GPC5: variants seen among roughly 807,000 people sequenced by gnomAD.
The protein encoded by GPC5 is glypican 5.
Under a neutral mutation model 53.9 loss-of-function variants are expected in GPC5, and 47 were observed. That is an observed-to-expected ratio of 0.87 (90% CI 0.69 to 1.11). GPC5 has a LOEUF of 1.11. GPC5 is among the 50% of genes most tolerant of loss of function. GPC5 has a pLI of 0.00. For missense variants in GPC5, 748 were observed against 713.1 expected (o/e 1.05, Z -0.56); for synonymous variants, 286 against 263.3 (o/e 1.09, Z -0.84).
At chr13:91,554,556 G>A (rs760625275) in intron 2 of GPC5, among the ~76,000 whole-genome samples, 40 of 152,072 alleles carry the variant, frequency 2.6e-4, no homozygotes, top group Non-Finnish European at 1.6e-4. Context: ...TAGGACAAAC[G>A]AATCCACAGA....
At chr13:92,605,659 G>A (rs1884228994) in intron 7 of GPC5, among the ~76,000 whole-genome samples, 1 of 147,440 alleles carries the variant, frequency 6.8e-6, no homozygotes, top group Admixed American at 6.7e-5. Flanking sequence ...GCGCAATCTC[G>A]GCTCACTGCA....
chr13:92,408,841 T>G (rs1165836856), intron 7 of GPC5, among the ~76,000 whole-genome samples: 1 of 152,044 alleles, frequency 6.6e-6, no homozygotes, highest in African/African-American at 2.4e-5. Flanking sequence ...GGTATTCTCT[T>G]ATAAAATCCC....
intron 3 of GPC5, among the ~76,000 whole-genome samples, chr13:91,712,312 G>A (rs954896566): frequency 2.0e-5 from 3 of 151,428 alleles, no homozygotes; most frequent in African/African-American, 2.4e-5. Context: ...GTGTGTGTGT[G>A]TATATGTGTG....
intron 2 of GPC5, among the ~76,000 whole-genome samples, chr13:91,622,660 A>G (rs375930423): frequency 4.6e-5 from 7 of 152,252 alleles, no homozygotes; most frequent in African/African-American, 1.7e-4. Context: ...ATGCCATGCG[A>G]TCTTCCAGCA....
chr13:91,556,888 G>C (rs1396879581), intron 2 of GPC5, among the ~76,000 whole-genome samples: 1 of 151,642 alleles, frequency 6.6e-6, no homozygotes, highest in Non-Finnish European at 1.5e-5. Context: ...TCGGGTGATG[G>C]GTGCACCACA....
At chr13:92,586,300 G>A (rs1206952503) in intron 7 of GPC5, among the ~76,000 whole-genome samples, 2 of 152,154 alleles carry the variant, frequency 1.3e-5, no homozygotes, top group East Asian at 1.9e-4. Context: ...CATGCATAAG[G>A]CATAGCATGT....
intron 4 of GPC5, among the ~76,000 whole-genome samples, chr13:91,735,053 GTAAAA>G (rs1253081703): frequency 1.3e-5 from 2 of 150,778 alleles, no homozygotes; most frequent in Non-Finnish European, 2.9e-5. Context: ...TTCATTTAAT[GTAAAA>G]TAAAATAAAG....
chr13:92,630,562 C>T (rs1885202876), intron 7 of GPC5, among the ~76,000 whole-genome samples: 1 of 152,004 alleles, frequency 6.6e-6, no homozygotes, highest in South Asian at 2.1e-4. Flanking sequence ...GTCTTGTAAT[C>T]AAAGCAGAGA....
intron 6 of GPC5, among the ~76,000 whole-genome samples, chr13:92,014,186 T>C (rs942569960): frequency 1.3e-5 from 2 of 152,218 alleles, no homozygotes; most frequent in Non-Finnish European, 2.9e-5. Flanking sequence ...GGAGTGCTCA[T>C]TATGCATAAG....
chr13:91,668,022 T>C (rs758783400), intron 2 of GPC5, among the ~76,000 whole-genome samples: 1 of 152,232 alleles, frequency 6.6e-6, no homozygotes, highest in African/African-American at 2.4e-5. Flanking sequence ...CATGTCTTTA[T>C]TGAATGAGCT....
Position 91,523,336 on chromosome 13 carries a change from C to G in GPC5, c.325+74414C>G, listed in dbSNP as rs80226295. Among the ~76,000 whole-genome samples the G allele has an allele frequency of 3.8e-3, 575 of 152,238 alleles. 2 individuals are homozygous for G. Among genetic ancestry groups the G allele is most frequent in the African/African-American group, 0.013 (553 of 41,542 alleles). On this transcript the variant is annotated intron_variant, in intron 2 of 7. Transcript: ENST00000377067. Reference sequence around the variant, plus strand: ...GTATACAATAGCTAAGGCATGGAAACAACCCAAGTGTCTGTCAACGGATAA... The same window carrying G: ...GTATACAATAGCTAAGGCATGGAAAGAACCCAAGTGTCTGTCAACGGATAA...
chr13:92,150,662 A>T (rs927004619), intron 7 of GPC5, among the ~76,000 whole-genome samples: 5 of 152,028 alleles, frequency 3.3e-5, no homozygotes, highest in Admixed American at 3.3e-4. Flanking sequence ...TGCCTAAGTG[A>T]TTATTTTCAT....
chr13:92,129,166 G>A (rs1231977573), intron 6 of GPC5, among the ~76,000 whole-genome samples: 10 of 152,094 alleles, frequency 6.6e-5, no homozygotes, highest in African/African-American at 2.4e-4. Context: ...AGAATTTTGA[G>A]ACTAATGAGA....
chr13:92,858,826 C>CA (rs904217000), intron 7 of GPC5, among the ~76,000 whole-genome samples: 3 of 151,774 alleles, frequency 2.0e-5, no homozygotes, highest in African/African-American at 4.8e-5. Context: ...AAATTAAAAC[C>CA]AAAAAAAGAA....
At chr13:92,756,953 C>T (rs1487239679) in intron 7 of GPC5, among the ~76,000 whole-genome samples, 4 of 151,848 alleles carry the variant, frequency 2.6e-5, no homozygotes, top group Admixed American at 1.3e-4. Context: ...GCTACCAATG[C>T]CTTTCTTCAC....
chr13:92,504,378 AT>A (rs1335173390), intron 7 of GPC5, among the ~76,000 whole-genome samples: 4 of 152,090 alleles, frequency 2.6e-5, no homozygotes, highest in African/African-American at 9.6e-5. Flanking sequence ...ATATTCATAG[AT>A]TTGTCTCAAT....
At chr13:92,018,128 C>T (rs892542052) in intron 6 of GPC5, among the ~76,000 whole-genome samples, 1 of 152,036 alleles carries the variant, frequency 6.6e-6, no homozygotes, top group African/African-American at 2.4e-5. Flanking sequence ...AAATTCATTG[C>T]TAATGAAATG....
chr13:91,733,236 A>G (rs1362315817), intron 4 of GPC5, among the ~76,000 whole-genome samples: 1 of 152,088 alleles, frequency 6.6e-6, no homozygotes, highest in African/African-American at 2.4e-5. Context: ...TCCCAGGTTC[A>G]AGCAATTCTC....
rs551926325 is a variant in GPC5 at position 92,560,793 on chromosome 13, C to A, written c.1562-305489C>A. On this transcript the variant is annotated intron_variant, in intron 7 of 7. Coordinates refer to ENST00000377067, the MANE Select transcript of GPC5 (RefSeq NM_004466.6). ...AAAGATGTGTCCGTTTTATAGTGAA[C>A]CTTTAGACAGGAAAAGGCCAGTTCT... 7.3e-5 allele frequency among the ~76,000 whole-genome samples: 11 copies of A among 151,178 alleles called. No homozygotes were observed. The South Asian group carries it at 2.3e-3, about 32-fold the overall frequency.
Sources: gnomAD v4.1 joint callset for allele counts (sites outside exome capture counted in the v4.1 genomes callset) on GRCh38, gnomAD v4.1.1 for gene constraint, MANE v1.5 for transcripts, NCBI Gene and HGNC (gene_info 2026-07-23, HGNC 2026-07-21) for gene names.